The following SCAPER variants were observed in gnomAD, a reference collection of about 807,000 sequenced individuals.
SCAPER encodes S-phase cyclin A associated protein in the ER.
In SCAPER, 98 loss-of-function variants were observed where a neutral mutation model predicts 182.2. That is an observed-to-expected ratio of 0.54 (90% CI 0.46 to 0.64). The LOEUF is 0.64. SCAPER is among the 30% of genes least tolerant of loss of function. The pLI is 0.00. For missense variants in SCAPER, 1,432 were observed against 1,690.0 expected, an observed-to-expected ratio of 0.85 and a Z score of 2.68; for synonymous variants, 605 against 564.6, an observed-to-expected ratio of 1.07 and a Z score of -1.01.
At chr15:76,575,410 GA>G (rs1460865520) in intron 22 of SCAPER, among the ~76,000 whole-genome samples, 1 of 152,114 alleles carries the variant, frequency 6.6e-6, no homozygotes, top group Non-Finnish European at 1.5e-5. Flanking sequence ...GCTTTCATAA[GA>G]TGATCCTACA....
At chr15:76,784,880 C>T (rs2064461462) in intron 8 of SCAPER, among the ~76,000 whole-genome samples, 1 of 152,128 alleles carries the variant, frequency 6.6e-6, no homozygotes, top group Non-Finnish European at 1.5e-5. Flanking sequence ...AAAATTAATT[C>T]AAGATGGATT....
chr15:76,878,792 GGAA>G (rs947295217), intron 2 of SCAPER, among the ~76,000 whole-genome samples: 3 of 151,828 alleles, frequency 2.0e-5, no homozygotes, highest in South Asian at 2.1e-4. Flanking sequence ...AAGAGGAAGA[GGAA>G]GAAGAAGACA....
At chr15:76,553,477 G>A (rs2045945374) in intron 23 of SCAPER, among the ~76,000 whole-genome samples, 1 of 152,318 alleles carries the variant, frequency 6.6e-6, no homozygotes, top group East Asian at 1.9e-4. Flanking sequence ...AGCTGATGAT[G>A]TGCATCTTGC....
At chr15:76,385,341 T>G (rs2043225295) in intron 27 of SCAPER, 1 of 152,270 alleles carries the variant, frequency 6.6e-6, no homozygotes, top group African/African-American at 2.4e-5. Flanking sequence ...TTTGCCCTGA[T>G]TTCCATGGTC....
At chr15:76,657,524 C>T (rs62026900) in intron 21 of SCAPER, among the ~76,000 whole-genome samples, 9,968 of 146,708 alleles carry the variant, frequency 0.068, 371 homozygotes, top group Middle Eastern at 0.11. Context: ...GGAGGAGGGA[C>T]ACTTTAACTC....
At chr15:76,534,863 TTGTCTATAAA>T (rs1170993686) in intron 23 of SCAPER, among the ~76,000 whole-genome samples, 1 of 152,176 alleles carries the variant, frequency 6.6e-6, no homozygotes, top group African/African-American at 2.4e-5. Flanking sequence ...TTTTTTATGT[TTGTCTATAAA>T]TGTTTATAAT....
chr15:76,413,798 G>A (rs761822619), intron 26 of SCAPER, among the ~76,000 whole-genome samples: 7 of 152,142 alleles, frequency 4.6e-5, no homozygotes, highest in Non-Finnish European at 8.8e-5. Flanking sequence ...TGTTGTTTCC[G>A]TGGGACCTGG....
chr15:76,377,969 T>C (rs1411494902), intron 28 of SCAPER, among the ~76,000 whole-genome samples: 4 of 152,254 alleles, frequency 2.6e-5, no homozygotes, highest in East Asian at 1.9e-4. Context: ...ACAGCACTTT[T>C]ATGCAATCAT....
In SCAPER at chr15:76,434,114, C is replaced by T; in HGVS notation, c.3275G>A (p.Gly1092Asp). ...CTGAACTCGATTGTTAAAAGGATCA[C>T]CTTGTGAGGGTTTGTTTTTCATTTC... ...TQEMKNKPSQ[G>D]DPFNNRVQDL... is the part of the protein sequence containing the mutation. Residue 1092 changes from glycine (G) to aspartate (D), a missense_variant, in exon 26 of 32, where the codon GGT (glycine) becomes GAT (aspartate). Gly to Asp is a moderately conservative substitution (Grantham distance 94). Coordinates refer to ENST00000563290, the MANE Select transcript of SCAPER (RefSeq NM_020843.4). 6.2e-7 allele frequency: 1 copy of T among 1,613,920 alleles called. No individual in the cohort carries two copies. The highest frequency in any genetic ancestry group is 1.1e-5 in the South Asian group (1 of 91,080).
intron 5 of SCAPER, among the ~76,000 whole-genome samples, chr15:76,809,752 A>T (rs1296597654): frequency 6.6e-6 from 1 of 152,210 alleles, no homozygotes; most frequent in African/African-American, 2.4e-5. Flanking sequence ...ATCAAAATCC[A>T]GAAAGCCCAA....
chr15:76,755,031 G>C (rs1568023525), intron 14 of SCAPER, among the ~76,000 whole-genome samples: 1 of 152,206 alleles, frequency 6.6e-6, no homozygotes, highest in Middle Eastern at 3.4e-3. Context: ...ACATTGATGA[G>C]AAAATAACCA....
chr15:76,633,092 T>C (rs1451635977), intron 21 of SCAPER, among the ~76,000 whole-genome samples: 2 of 152,144 alleles, frequency 1.3e-5, no homozygotes, highest in Non-Finnish European at 1.5e-5. Flanking sequence ...TGCTGACCTT[T>C]AAATGGGGTT....
intron 24 of SCAPER, chr15:76,472,279 C>A (rs2050245734): frequency 4.9e-6 from 3 of 617,514 alleles, no homozygotes; most frequent in Non-Finnish European, 9.2e-6. Context: ...AATGCTGACA[C>A]TGGCAGGGAG....
intron 15 of SCAPER, among the ~76,000 whole-genome samples, chr15:76,751,626 C>A (rs2062088658): frequency 6.6e-6 from 1 of 151,516 alleles, no homozygotes; most frequent in Non-Finnish European, 1.5e-5. Context: ...ATTTAATGGA[C>A]AAAGAAAAGC....
chr15:76,819,482 G>C (rs907144104), intron 5 of SCAPER, among the ~76,000 whole-genome samples: 1 of 152,192 alleles, frequency 6.6e-6, no homozygotes, highest in African/African-American at 2.4e-5. Context: ...ACAGGGTCTG[G>C]AATGGACCTC....
chr15:76,647,511 G>A (rs376371574), intron 21 of SCAPER, among the ~76,000 whole-genome samples: 1 of 152,288 alleles, frequency 6.6e-6, no homozygotes, highest in Non-Finnish European at 1.5e-5. Flanking sequence ...GCTACATATC[G>A]GGGAAGGGTT....
intron 23 of SCAPER, among the ~76,000 whole-genome samples, chr15:76,510,593 G>C (rs559262871): frequency 2.6e-5 from 4 of 152,228 alleles, no homozygotes; most frequent in African/African-American, 9.6e-5. Flanking sequence ...ATAGATGTTG[G>C]TGTGGATGCA....
chr15:76,462,201 C>T (rs1037547839), intron 25 of SCAPER, among the ~76,000 whole-genome samples: 1 of 152,216 alleles, frequency 6.6e-6, no homozygotes, highest in Non-Finnish European at 1.5e-5. Flanking sequence ...GAAAGCCATA[C>T]AACCAGGAAA....
chr15:76,425,659 G>C lies in SCAPER; in HGVS notation c.3311+8419C>G, dbSNP rs1402433582. On this transcript the variant is annotated intron_variant, in intron 26 of 31. Coordinates refer to ENST00000563290, the MANE Select transcript of SCAPER (RefSeq NM_020843.4). ...TCCAGCTTTTTTCCGTTGCTGATGA[G>C]GAGCTGCGTTCCTTTGGAGGGTGAG... Among the ~76,000 whole-genome samples the C allele has an allele frequency of 4.6e-5, 7 of 152,210 alleles. No individual in the cohort carries two copies. In the East Asian group the frequency reaches 1.2e-3, roughly 25 times the overall value.
Sources: gnomAD v4.1 joint callset for allele counts (sites outside exome capture counted in the v4.1 genomes callset) on GRCh38, gnomAD v4.1.1 for gene constraint, MANE v1.5 for transcripts, NCBI Gene and HGNC (gene_info 2026-07-23, HGNC 2026-07-21) for gene names.